The following PCDHA7 variants were observed in gnomAD, a reference collection of about 807,000 sequenced individuals.
PCDHA7 encodes the protein protocadherin alpha 7, also known as protocadherin alpha-7.
Under a neutral mutation model 57.2 loss-of-function variants are expected in PCDHA7, and 37 were observed. The observed-to-expected ratio is 0.65, with a 90% CI of 0.50 to 0.85. The LOEUF (loss-of-function observed/expected upper bound fraction) is 0.85. Ranked by LOEUF, PCDHA7 falls within the 40% of genes least tolerant of loss-of-function variation. The pLI, the probability that PCDHA7 is intolerant of heterozygous loss-of-function variation, is 0.00. For synonymous variants in PCDHA7, 553 were observed against 558.8 expected, an observed-to-expected ratio of 0.99 and a Z score of 0.15; for missense variants, 1,188 against 1,241.8, an observed-to-expected ratio of 0.96 and a Z score of 0.65.
intron 1 of PCDHA7, chr5:140,850,322 C>T (rs2150479524): frequency 2.5e-6 from 4 of 1,597,492 alleles, no homozygotes; most frequent in Non-Finnish European, 3.4e-6. Flanking sequence ...GGCTTTCATA[C>T]GAGCTGCAGC....
intron 1 of PCDHA7, among the ~76,000 whole-genome samples, chr5:140,906,616 T>G (rs1339811951): frequency 6.6e-6 from 1 of 152,228 alleles, no homozygotes. Flanking sequence ...GTATTCCCTT[T>G]GCCTTCAGCA....
chr5:140,877,840 G>A, intron 1 of PCDHA7: 1 of 1,580,394 alleles, frequency 6.3e-7, no homozygotes, highest in South Asian at 1.2e-5. Context: ...TCCCAGTGAA[G>A]TAAGTTATTA....
intron 3 of PCDHA7, among the ~76,000 whole-genome samples, chr5:141,006,275 G>C (rs782763386): frequency 6.6e-6 from 1 of 151,772 alleles, no homozygotes; most frequent in Non-Finnish European, 1.5e-5. Flanking sequence ...GCAGTGGCAC[G>C]ATCTCAGCTC....
At chr5:140,874,202 T>C (rs11741879) in intron 1 of PCDHA7, among the ~76,000 whole-genome samples, 12,321 of 152,316 alleles carry the variant, frequency 0.081, 541 homozygotes, top group Middle Eastern at 0.13. Context: ...TTCAGTTGCC[T>C]TTATTATTAT....
chr5:140,965,174 CT>C (rs1213439654), intron 1 of PCDHA7, among the ~76,000 whole-genome samples: 1 of 152,110 alleles, frequency 6.6e-6, no homozygotes, highest in East Asian at 1.9e-4. Context: ...TTAGTGAGTG[CT>C]TTTTTTGCAC....
intron 1 of PCDHA7, among the ~76,000 whole-genome samples, chr5:140,845,178 C>A (rs1562424606): frequency 6.7e-6 from 1 of 149,120 alleles, no homozygotes; most frequent in Non-Finnish European, 1.5e-5. Context: ...CATTTTAGTC[C>A]TTTAAAAAAT....
rs781902121 is a variant in PCDHA7 at position 140,870,112 on chromosome 5, G to A, written c.2355+33374G>A. The A allele has an allele frequency of 1.2e-6, 2 of 1,613,938 alleles. No individual in the cohort carries two copies. The highest frequency in any genetic ancestry group is 8.5e-7 in the Non-Finnish European group (1 of 1,179,896). ...AATGGCAGGTCACTGTACAGTCTGG[G>A]TGGAAATCTTGGACACCAACGATAA... On this transcript the variant is annotated intron_variant, in intron 1 of 3. Coordinates refer to ENST00000525929, the MANE Select transcript of PCDHA7 (RefSeq NM_018910.3).
intron 1 of PCDHA7, chr5:140,862,547 G>T: frequency 2.2e-6 from 1 of 455,636 alleles, no homozygotes; most frequent in South Asian, 1.7e-5. Context: ...CGTGGAAGTG[G>T]CCGAACAGTG....
Position 140,876,213 on chromosome 5 carries a change from T to G in PCDHA7, c.2355+39475T>G, listed in dbSNP as rs782372222. On this transcript the variant is annotated intron_variant, in intron 1 of 3. Transcript: ENST00000525929. ...GTCCGGCGTTTGATAAGCCCAGCTA[T>G]AAAGTAGTGTTGTCTGAAAATGTCC... The G allele has an allele frequency of 3.1e-6, 5 of 1,613,846 alleles. No individual in the cohort carries two copies. The East Asian group carries it at 1.1e-4, about 36-fold the overall frequency.
intron 1 of PCDHA7, among the ~76,000 whole-genome samples, chr5:140,964,550 C>T (rs13359943): frequency 0.012 from 1,826 of 152,168 alleles, 28 homozygotes; most frequent in African/African-American, 0.042. Flanking sequence ...ATGGCAGCGA[C>T]TTGGAGGGCT....
At chr5:140,937,836 T>C (rs2091788765) in intron 1 of PCDHA7, among the ~76,000 whole-genome samples, 1 of 150,366 alleles carries the variant, frequency 6.7e-6, no homozygotes, top group Non-Finnish European at 1.5e-5. Flanking sequence ...GGCATGAACC[T>C]GGAAGGCGGA....
intron 1 of PCDHA7, chr5:140,968,302 G>C (rs2096236958): frequency 6.2e-7 from 1 of 1,613,812 alleles, no homozygotes; most frequent in African/African-American, 1.3e-5. Context: ...TGGAGAGGGA[G>C]ATTCAAGGGC....
rs2150359947 is a variant in PCDHA7, at chr5:140,843,438, C to T, written c.2355+6700C>T. The T allele has an allele frequency of 2.5e-6, 4 of 1,595,980 alleles. No homozygotes were observed. In the African/African-American group the frequency reaches 5.4e-5, roughly 21 times the overall value. ...GTGTACCTGATCATCGCCATCTGCGCGGTATCCAGCCTGCTGGTGCTCACG... is the reference window on the plus strand; with the variant it reads ...GTGTACCTGATCATCGCCATCTGCGTGGTATCCAGCCTGCTGGTGCTCACG... On this transcript the variant is annotated intron_variant, in intron 1 of 3. Coordinates refer to ENST00000525929, the MANE Select transcript of PCDHA7 (RefSeq NM_018910.3).
chr5:140,837,666 T>C (rs1775190875), intron 1 of PCDHA7, among the ~76,000 whole-genome samples: 1 of 151,622 alleles, frequency 6.6e-6, no homozygotes, highest in African/African-American at 2.4e-5. Context: ...TTTCTTTCAT[T>C]CTTTTTCTTT....
At chr5:140,875,815 C>T (rs782785462) in intron 1 of PCDHA7, 11 of 1,614,218 alleles carry the variant, frequency 6.8e-6, no homozygotes, top group Non-Finnish European at 9.3e-6. Flanking sequence ...CAGGCCGCTG[C>T]AGGTTTTCCA....
intron 1 of PCDHA7, among the ~76,000 whole-genome samples, chr5:140,950,273 T>G (rs1218178621): frequency 6.6e-5 from 10 of 152,008 alleles, no homozygotes; most frequent in African/African-American, 1.9e-4. Flanking sequence ...CCATAATGTC[T>G]TTTTGCTTCA....
chr5:140,990,977 G>T (rs1554251868), intron 3 of PCDHA7, among the ~76,000 whole-genome samples: 1 of 152,156 alleles, frequency 6.6e-6, no homozygotes, highest in African/African-American at 2.4e-5. Context: ...CAAGAGAAAG[G>T]AAGACAATAG....
At chr5:140,953,035 C>A (rs2094836412) in intron 1 of PCDHA7, among the ~76,000 whole-genome samples, 1 of 152,116 alleles carries the variant, frequency 6.6e-6, no homozygotes, top group Admixed American at 6.5e-5. Flanking sequence ...GGAAATCCAC[C>A]CCCATGATCC....
chr5:140,849,816 G>C (rs2150451582), intron 1 of PCDHA7: 2 of 1,598,578 alleles, frequency 1.3e-6, no homozygotes, highest in Admixed American at 1.7e-5. Context: ...CACGGCCAGG[G>C]TGTCTGTGGA....
Sources: gnomAD v4.1 joint callset for allele counts (sites outside exome capture counted in the v4.1 genomes callset) on GRCh38, gnomAD v4.1.1 for gene constraint, MANE v1.5 for transcripts, NCBI Gene and HGNC (gene_info 2026-07-23, HGNC 2026-07-21) for gene names.